The following PARG variants were observed in gnomAD, a reference collection of about 807,000 sequenced individuals.
The protein encoded by PARG is poly(ADP-ribose) glycohydrolase, also known as mitochondrial poly(ADP-ribose) glycohydrolase.
Under a neutral mutation model 113.0 loss-of-function variants are expected in PARG, and 35 were observed. The ratio of observed to expected loss-of-function variants is 0.31; its 90% CI spans 0.24 to 0.41. The LOEUF is 0.41. Among genes scored for constraint, PARG ranks in the 10% least tolerant of loss-of-function variants. The probability of loss-of-function intolerance (pLI) is 1.00; values close to 1 mark genes in which losing one functional copy is unlikely to be tolerated. For missense variants in PARG, 797 were observed against 1,169.4 expected, an observed-to-expected ratio of 0.68 and a Z score of 4.64; for synonymous variants, 330 against 409.9, an observed-to-expected ratio of 0.81 and a Z score of 2.36.
At chr10:49,832,967 AC>A in intron 15 of PARG, 59 bp from the exon 16 acceptor site, 2 of 853,378 alleles carry the variant, frequency 2.3e-6, no homozygotes, top group South Asian at 3.2e-5. Flanking sequence ...AGTGTTTCTG[AC>A]TGATGTACTA....
intron 9 of PARG, among the ~76,000 whole-genome samples, chr10:49,873,466 G>A (rs1846796991): frequency 6.6e-6 from 1 of 151,554 alleles, no homozygotes; most frequent in Admixed American, 6.6e-5. Context: ...GCTCATGACA[G>A]GCTTTGAGAT....
At chr10:49,911,971 C>T (rs1837211684) in intron 7 of PARG, among the ~76,000 whole-genome samples, 1 of 152,178 alleles carries the variant, frequency 6.6e-6, no homozygotes, top group Admixed American at 6.6e-5. Context: ...ATAAAACAAG[C>T]CACTCAGAGT....
At position 49,941,540 on chromosome 10, in the gene PARG, C is replaced by T; in HGVS notation, c.186G>A (p.Ala62=). 6.4e-7 allele frequency: 1 copy of T among 1,558,814 alleles called. No homozygotes were observed. Among genetic ancestry groups the T allele is most frequent in the Non-Finnish European group, 8.7e-7 (1 of 1,151,650 alleles). Residue 62 remains alanine (A), a synonymous_variant, in exon 1 of 18, where the codon GCG becomes GCA. Coordinates refer to ENST00000616448, the MANE Select transcript of PARG (RefSeq NM_003631.5). ...PSSPACVPGR[A]GQHRGSATSL... Reference sequence around the variant, plus strand: ...AGGTGGCGCTGCCTCTGTGCTGTCCCGCCCGCCCTGGGACGCAGGCTGGCG... The same window carrying T: ...AGGTGGCGCTGCCTCTGTGCTGTCCTGCCCGCCCTGGGACGCAGGCTGGCG...
At chr10:49,919,231 A>G (rs1837666900) in intron 6 of PARG, among the ~76,000 whole-genome samples, 3 of 152,136 alleles carry the variant, frequency 2.0e-5, no homozygotes, top group South Asian at 4.2e-4. Flanking sequence ...TTGAGCCACC[A>G]CACCTGGCCT....
intron 15 of PARG, among the ~76,000 whole-genome samples, chr10:49,840,779 A>G (rs1212523532): frequency 6.6e-6 from 1 of 152,220 alleles, no homozygotes; most frequent in Non-Finnish European, 1.5e-5. Context: ...ATCTGTCTAG[A>G]TCACTGTTAT....
intron 16 of PARG, 139 bp from the exon 17 acceptor site, chr10:49,820,432 G>C: frequency 1.6e-6 from 1 of 607,394 alleles, no homozygotes; most frequent in South Asian, 2.1e-5. Context: ...TAGAAATGGG[G>C]AACACAAGGC....
At position 49,906,795 on chromosome 10, in the gene PARG, C is replaced by T. The variant is rs142995204; in HGVS notation, c.1737+9122G>A. Among the ~76,000 whole-genome samples the T allele has an allele frequency of 2.2e-3, 334 of 152,310 alleles. 2 individuals carry two copies. The highest frequency in any genetic ancestry group is 7.8e-3 in the African/African-American group (323 of 41,566). ...CCAGCAAACACAAAGGAGATATTTA[C>T]AGGGAGGATCTTGTAGAAGAGGTGA... On this transcript the variant is annotated intron_variant, in intron 7 of 17. Coordinates refer to ENST00000616448, the MANE Select transcript of PARG (RefSeq NM_003631.5).
At chr10:49,897,973 A>C (rs1258317925) in intron 7 of PARG, among the ~76,000 whole-genome samples, 1 of 152,168 alleles carries the variant, frequency 6.6e-6, no homozygotes, top group East Asian at 1.9e-4. Context: ...GGCCTGGGTG[A>C]CAGAGCAAGA....
chr10:49,904,853 T>C (rs1427406712), intron 7 of PARG, among the ~76,000 whole-genome samples: 2 of 151,714 alleles, frequency 1.3e-5, no homozygotes, highest in Non-Finnish European at 2.9e-5. Context: ...GAGGCGGAGG[T>C]TGCAGTGAGC....
chr10:49,846,659 TCCAATTATGGAAAGGGGGAAAGA>T (rs1554833384), intron 13 of PARG, among the ~76,000 whole-genome samples: 2 of 152,036 alleles, frequency 1.3e-5, no homozygotes. Flanking sequence ...GGAAGAGAGT[TCCAATTATGGAAAGGGGGAAAGA>T]CTATAATATA....
intron 10 of PARG, among the ~76,000 whole-genome samples, chr10:49,866,778 T>C (rs1248240445): frequency 1.3e-5 from 2 of 152,176 alleles, no homozygotes; most frequent in Admixed American, 1.3e-4. Context: ...GATACTTTGA[T>C]TAATCAAATA....
chr10:49,931,244 A>G (rs1277037245), intron 4 of PARG, among the ~76,000 whole-genome samples: 1 of 152,104 alleles, frequency 6.6e-6, no homozygotes, highest in Non-Finnish European at 1.5e-5. Flanking sequence ...TTATAATGTT[A>G]TAATATAATG....
In PARG at chr10:49,820,361, C is replaced by A. The variant is rs1042881164; in HGVS notation, c.2648-68G>T. 3 of 1,109,422 alleles carry A rather than the reference C, an allele frequency of 2.7e-6. No individual in the cohort carries two copies. In the African/African-American group the frequency reaches 4.7e-5, roughly 17 times the overall value. The allele number at this position is 1,109,422 out of a possible 1,614,324, so 68.7% of individuals were successfully genotyped here. ...CACCTAGATACCTTTAGCTCTTTAC[C>A]AGCTGGTGTGCCACAGCTTCATCCT... On this transcript the variant is annotated intron_variant, in intron 16 of 17. Coordinates refer to ENST00000616448, the MANE Select transcript of PARG (RefSeq NM_003631.5).
intron 7 of PARG, among the ~76,000 whole-genome samples, chr10:49,902,417 A>G (rs529096874): frequency 7.2e-5 from 11 of 152,316 alleles, no homozygotes; most frequent in Admixed American, 5.2e-4. Flanking sequence ...GGTTCAATCT[A>G]TCATCTAGGG....
intron 7 of PARG, among the ~76,000 whole-genome samples, chr10:49,912,500 T>C (rs1407599460): frequency 4.6e-5 from 7 of 150,772 alleles, no homozygotes; most frequent in African/African-American, 1.2e-4. Context: ...CAGTCTCTAA[T>C]AAAAATACAA....
At chr10:49,908,086 T>C (rs1588972916) in intron 7 of PARG, among the ~76,000 whole-genome samples, 2 of 152,216 alleles carry the variant, frequency 1.3e-5, no homozygotes, top group African/African-American at 2.4e-5. Flanking sequence ...ACAATCCAGA[T>C]AGTGTTTTGC....
chr10:49,898,875 T>TA (rs1180220961), intron 7 of PARG, among the ~76,000 whole-genome samples: 2 of 152,128 alleles, frequency 1.3e-5, no homozygotes, highest in Admixed American at 6.6e-5. Flanking sequence ...CTCCCTCTTG[T>TA]AATTTATTTG....
intron 13 of PARG, among the ~76,000 whole-genome samples, chr10:49,850,906 CGAAAAAAG>C (rs1364021076): frequency 1.3e-5 from 2 of 151,400 alleles, no homozygotes; most frequent in African/African-American, 4.9e-5. Context: ...CTGTCTCCTT[CGAAAAAAG>C]TGAATGCCCT....
chr10:49,920,094 T>A (rs1328379298), intron 6 of PARG, among the ~76,000 whole-genome samples: 1 of 151,970 alleles, frequency 6.6e-6, no homozygotes, highest in Non-Finnish European at 1.5e-5. Context: ...TCATTATACC[T>A]GAAATTTTAA....
Sources: gnomAD v4.1 joint callset for allele counts (sites outside exome capture counted in the v4.1 genomes callset) on GRCh38, gnomAD v4.1.1 for gene constraint, MANE v1.5 for transcripts, NCBI Gene and HGNC (gene_info 2026-07-23, HGNC 2026-07-21) for gene names.